ADAMTSL3: variants seen among roughly 807,000 people sequenced by gnomAD.
ADAMTSL3 encodes ADAMTS-like protein 3.
A neutral mutation model predicts 201.7 loss-of-function variants in ADAMTSL3; 128 were observed. The observed-to-expected ratio is 0.63, with a 90% CI of 0.55 to 0.73. The LOEUF (loss-of-function observed/expected upper bound fraction) is 0.73, where lower values mean the gene tolerates loss of function less well. Among genes scored for constraint, ADAMTSL3 ranks in the 30% least tolerant of loss-of-function variants. The pLI is 0.00. For synonymous variants in ADAMTSL3, 738 were observed against 748.4 expected (o/e 0.99, Z 0.23); for missense variants, 1,990 against 2,119.6 (o/e 0.94, Z 1.20).
At chr15:84,008,109 G>A (rs1193181851) in intron 23 of ADAMTSL3, among the ~76,000 whole-genome samples, 1 of 152,050 alleles carries the variant, frequency 6.6e-6, no homozygotes, top group Admixed American at 6.6e-5. Context: ...CAGTTGTCAG[G>A]TTTGTTTGTT....
chr15:83,730,712 C>T (rs1000009228), intron 3 of ADAMTSL3, among the ~76,000 whole-genome samples: 1 of 151,634 alleles, frequency 6.6e-6, no homozygotes, highest in Non-Finnish European at 1.5e-5. Context: ...ATATTTTGTC[C>T]TAATATGTAG....
chr15:84,008,372 G>A (rs2067935504), intron 23 of ADAMTSL3, among the ~76,000 whole-genome samples: 2 of 152,208 alleles, frequency 1.3e-5, no homozygotes, highest in Admixed American at 6.5e-5. Context: ...TGAGATTACA[G>A]GTGTGAGCCA....
intron 2 of ADAMTSL3, among the ~76,000 whole-genome samples, chr15:83,678,837 T>A (rs1315082803): frequency 3.4e-5 from 5 of 145,338 alleles, no homozygotes; most frequent in South Asian, 2.1e-4. Flanking sequence ...TATATATAAA[T>A]ATATATATAA....
chr15:83,863,675 A>C, intron 8 of ADAMTSL3, among the ~76,000 whole-genome samples: 1 of 152,240 alleles, frequency 6.6e-6, no homozygotes, highest in East Asian at 1.9e-4. Flanking sequence ...AAGATCTAAA[A>C]TTGACACCCT....
At chr15:83,952,937 A>T (rs1352705466) in intron 19 of ADAMTSL3, among the ~76,000 whole-genome samples, 1 of 152,204 alleles carries the variant, frequency 6.6e-6, no homozygotes, top group Non-Finnish European at 1.5e-5. Context: ...TGATATAAGC[A>T]TAGCACTACT....
At chr15:83,855,685 G>T (rs2064716776) in intron 7 of ADAMTSL3, among the ~76,000 whole-genome samples, 1 of 152,152 alleles carries the variant, frequency 6.6e-6, no homozygotes, top group Non-Finnish European at 1.5e-5. Flanking sequence ...TTCTTACTGA[G>T]CATTTTTCTT....
chr15:83,988,899 T>C, intron 22 of ADAMTSL3, 81 bp downstream of exon 22: 1 of 774,940 alleles, frequency 1.3e-6, no homozygotes. Context: ...TTTTTTTTTT[T>C]GAGACAGAGT....
At chr15:83,704,325 G>A in intron 2 of ADAMTSL3, 64 bp from the exon 3 acceptor site, 1 of 1,609,318 alleles carries the variant, frequency 6.2e-7, no homozygotes, top group South Asian at 1.1e-5. Flanking sequence ...GGCCTTCTTG[G>A]ACTTTACCTG....
chr15:83,728,225 CT>C (rs2062210211), intron 3 of ADAMTSL3, among the ~76,000 whole-genome samples: 2 of 150,968 alleles, frequency 1.3e-5, no homozygotes, highest in South Asian at 2.1e-4. Context: ...TTTTTCATCC[CT>C]TTTTTTCAGT....
intron 3 of ADAMTSL3, among the ~76,000 whole-genome samples, chr15:83,713,310 T>G (rs939216712): frequency 5.0e-4 from 76 of 152,310 alleles, no homozygotes; most frequent in African/African-American, 1.8e-3. Context: ...TCAACCCCCT[T>G]CTACTAAACA....
intron 4 of ADAMTSL3, among the ~76,000 whole-genome samples, chr15:83,790,057 A>G (rs2063321401): frequency 1.3e-5 from 2 of 151,804 alleles, no homozygotes; most frequent in South Asian, 2.1e-4. Flanking sequence ...AATTTAAATA[A>G]CACCATAATT....
chr15:83,969,528 A>G (rs1462665408), intron 19 of ADAMTSL3, among the ~76,000 whole-genome samples: 1 of 152,262 alleles, frequency 6.6e-6, no homozygotes, highest in Non-Finnish European at 1.5e-5. Flanking sequence ...TATACATACA[A>G]TGAAATATTT....
intron 3 of ADAMTSL3, among the ~76,000 whole-genome samples, chr15:83,710,223 C>T (rs181514556): frequency 6.6e-6 from 1 of 152,300 alleles, no homozygotes; most frequent in Non-Finnish European, 1.5e-5. Flanking sequence ...TCCCTTCTCC[C>T]TGGTAAACTT....
chr15:83,757,856 A>G (rs1407021422), intron 3 of ADAMTSL3, among the ~76,000 whole-genome samples: 1 of 152,190 alleles, frequency 6.6e-6, no homozygotes, highest in African/African-American at 2.4e-5. Flanking sequence ...AGTTCCACAT[A>G]TCTCTAGGGC....
chr15:83,935,040 G>C (rs1445052391), intron 17 of ADAMTSL3, among the ~76,000 whole-genome samples: 3 of 152,160 alleles, frequency 2.0e-5, no homozygotes, highest in African/African-American at 7.2e-5. Flanking sequence ...TGGAGACTCA[G>C]ACAGGTGGGA....
chr15:83,947,850 C>G lies in ADAMTSL3; in HGVS notation c.2490+4768C>G, dbSNP rs917891710. Among the ~76,000 whole-genome samples the G allele has an allele frequency of 4.6e-5, 7 of 152,270 alleles. No individual in the cohort carries two copies. In the East Asian group the frequency reaches 1.2e-3, roughly 25 times the overall value. ...CTCCAGAAAGTCTCTAACCTTCTAA[C>G]CACGTCTCCAGCTCTCCATCTAGTT... On this transcript the variant is annotated intron_variant, in intron 19 of 29. Transcript: ENST00000286744.
intron 2 of ADAMTSL3, among the ~76,000 whole-genome samples, chr15:83,688,787 C>CACACAT (rs2061573570): frequency 6.8e-6 from 1 of 148,072 alleles, no homozygotes; most frequent in Non-Finnish European, 1.5e-5. Context: ...CACACATACA[C>CACACAT]ACACACACAT....
chr15:83,795,825 TGA>T (rs1231929501), intron 4 of ADAMTSL3, among the ~76,000 whole-genome samples: 1 of 152,118 alleles, frequency 6.6e-6, no homozygotes. Context: ...ATGAAAGATT[TGA>T]GAGTCAGGCC....
At chr15:84,020,924 C>A (rs755831402) in intron 25 of ADAMTSL3, among the ~76,000 whole-genome samples, 4 of 152,216 alleles carry the variant, frequency 2.6e-5, no homozygotes, top group African/African-American at 9.6e-5. Context: ...AAAATAAGAA[C>A]AGAACTCAAA....
Sources: allele counts gnomAD v4.1 joint callset (sites outside exome capture counted in the v4.1 genomes callset), GRCh38; gene constraint gnomAD v4.1.1; transcripts MANE v1.5; gene names NCBI Gene and HGNC (gene_info 2026-07-23, HGNC 2026-07-21).